NRG3: variants seen among roughly 807,000 people sequenced by gnomAD.
NRG3 encodes pro-neuregulin-3, membrane-bound isoform.
A neutral mutation model predicts 66.9 loss-of-function variants in NRG3; 31 were observed. The observed-to-expected ratio is 0.46, with a 90% CI of 0.35 to 0.63. The LOEUF (loss-of-function observed/expected upper bound fraction) is 0.63. Ranked by LOEUF, NRG3 falls within the 20% of genes least tolerant of loss-of-function variation. NRG3 has a pLI of 0.00. For missense variants in NRG3, 910 were observed against 878.9 expected (o/e 1.04, Z -0.45); for synonymous variants, 393 against 359.4 (o/e 1.09, Z -1.06).
At chr10:82,204,567 C>G (rs2075020913) in intron 1 of NRG3, among the ~76,000 whole-genome samples, 1 of 152,204 alleles carries the variant, frequency 6.6e-6, no homozygotes, top group Non-Finnish European at 1.5e-5. Context: ...GTGGCATTCG[C>G]TGTACAACTC....
At chr10:82,308,144 T>A (rs2080842661) in intron 1 of NRG3, among the ~76,000 whole-genome samples, 1 of 152,204 alleles carries the variant, frequency 6.6e-6, no homozygotes, top group African/African-American at 2.4e-5. Context: ...TGGCCCCTTA[T>A]CTTCAAGAAG....
intron 6 of NRG3, among the ~76,000 whole-genome samples, chr10:82,961,277 T>C (rs569564512): frequency 6.6e-6 from 1 of 152,328 alleles, no homozygotes; most frequent in South Asian, 2.1e-4. Flanking sequence ...ACAACCCATA[T>C]TGATGGATTG....
At chr10:81,917,130 C>G (rs753227585) in intron 1 of NRG3, among the ~76,000 whole-genome samples, 9 of 152,258 alleles carry the variant, frequency 5.9e-5, no homozygotes, top group Admixed American at 1.3e-4. Context: ...AATGGAGAAG[C>G]TTGATTGCAT....
intron 1 of NRG3, among the ~76,000 whole-genome samples, chr10:82,131,071 C>G (rs908080451): frequency 6.6e-5 from 10 of 152,024 alleles, no homozygotes; most frequent in African/African-American, 2.4e-4. Context: ...TCTATTTTTG[C>G]TTTGGTTGCC....
intron 4 of NRG3, among the ~76,000 whole-genome samples, chr10:82,921,323 A>G (rs550126098): frequency 2.5e-4 from 38 of 152,286 alleles, no homozygotes; most frequent in African/African-American, 8.4e-4. Flanking sequence ...AATGTCTGAC[A>G]AACTGTCATA....
intron 2 of NRG3, among the ~76,000 whole-genome samples, chr10:82,649,213 A>T (rs1405321510): frequency 2.0e-5 from 3 of 152,158 alleles, no homozygotes; most frequent in Non-Finnish European, 4.4e-5. Context: ...ATGATTGTAG[A>T]TCTAGAAAAT....
chr10:82,981,627 G>A (rs1159130347), intron 8 of NRG3, among the ~76,000 whole-genome samples: 2 of 152,192 alleles, frequency 1.3e-5, no homozygotes, highest in Non-Finnish European at 2.9e-5. Flanking sequence ...TCCAACGTAT[G>A]TGGCTTCTTT....
At chr10:82,802,950 A>C (rs140222607) in intron 3 of NRG3, among the ~76,000 whole-genome samples, 160 of 152,316 alleles carry the variant, frequency 1.1e-3, no homozygotes, top group African/African-American at 3.5e-3. Context: ...TTGGGATTAC[A>C]GATGTAAACA....
chr10:82,191,828 A>T (rs2074159609), intron 1 of NRG3, among the ~76,000 whole-genome samples: 1 of 152,144 alleles, frequency 6.6e-6, no homozygotes, highest in African/African-American at 2.4e-5. Flanking sequence ...AATGTGACCC[A>T]CTAAGAAGGA....
intron 1 of NRG3, among the ~76,000 whole-genome samples, chr10:82,347,504 G>T (rs2083107460): frequency 6.6e-6 from 1 of 151,182 alleles, no homozygotes; most frequent in Admixed American, 6.6e-5. Flanking sequence ...GTCAATTTTG[G>T]AATAGGTGTG....
intron 2 of NRG3, among the ~76,000 whole-genome samples, chr10:82,380,724 A>G (rs571583669): frequency 1.3e-5 from 2 of 152,194 alleles, no homozygotes; most frequent in African/African-American, 2.4e-5. Context: ...GTACATTGGT[A>G]TAACAACTTT....
intron 2 of NRG3, among the ~76,000 whole-genome samples, chr10:82,676,285 G>A (rs1180013120): frequency 6.6e-6 from 1 of 151,840 alleles, no homozygotes; most frequent in Non-Finnish European, 1.5e-5. Flanking sequence ...ATATTATGTT[G>A]ATTAAAAAAA....
At chr10:82,475,893 T>C (rs1278079264) in intron 2 of NRG3, among the ~76,000 whole-genome samples, 2 of 151,750 alleles carry the variant, frequency 1.3e-5, no homozygotes, top group African/African-American at 4.8e-5. Context: ...ATCAATAGAG[T>C]GAAAAGGCAA....
At chr10:81,921,678 G>C (rs1020937794) in intron 1 of NRG3, among the ~76,000 whole-genome samples, 7 of 152,178 alleles carry the variant, frequency 4.6e-5, no homozygotes, top group African/African-American at 1.2e-4. Context: ...TATTTAGTCT[G>C]TTTTGTTGTT....
intron 1 of NRG3, among the ~76,000 whole-genome samples, chr10:82,357,431 A>G (rs1021796968): frequency 1.3e-5 from 2 of 152,184 alleles, no homozygotes; most frequent in Non-Finnish European, 2.9e-5. Flanking sequence ...TCCATTTTCT[A>G]TTGCTTTAAC....
At chr10:81,960,503 G>A (rs923635493) in intron 1 of NRG3, among the ~76,000 whole-genome samples, 12 of 151,960 alleles carry the variant, frequency 7.9e-5, no homozygotes, top group Non-Finnish European at 1.8e-4. Context: ...ATCTTCAGAA[G>A]TGAAAACTGA....
intron 1 of NRG3, among the ~76,000 whole-genome samples, chr10:82,112,813 C>A: frequency 6.6e-6 from 1 of 152,068 alleles, no homozygotes; most frequent in East Asian, 1.9e-4. Flanking sequence ...GCTTTGTTTG[C>A]AATGGATATG....
chr10:82,579,478 C>T (rs1356431288), intron 2 of NRG3, among the ~76,000 whole-genome samples: 1 of 151,912 alleles, frequency 6.6e-6, no homozygotes, highest in Non-Finnish European at 1.5e-5. Flanking sequence ...CAAATAAGGG[C>T]TCAGTAAACC....
intron 2 of NRG3, among the ~76,000 whole-genome samples, chr10:82,522,509 T>A (rs1039212851): frequency 2.0e-5 from 3 of 152,134 alleles, no homozygotes; most frequent in Non-Finnish European, 4.4e-5. Context: ...ATAACAGGTA[T>A]AATTTTAATT....
Sources: allele counts gnomAD v4.1 joint callset (sites outside exome capture counted in the v4.1 genomes callset), GRCh38; gene constraint gnomAD v4.1.1; transcripts MANE v1.5; gene names NCBI Gene and HGNC (gene_info 2026-07-23, HGNC 2026-07-21).